Variants in ANKHD1 observed in about 807,000 individuals in gnomAD.
ANKHD1 encodes ankyrin repeat and KH domain-containing protein 1.
In ANKHD1, 31 loss-of-function variants were observed where a neutral mutation model predicts 230.5. That is an observed-to-expected ratio of 0.13 (90% CI 0.10 to 0.18). The LOEUF (loss-of-function observed/expected upper bound fraction) is 0.18. Ranked by LOEUF, ANKHD1 falls within the 10% of genes least tolerant of loss-of-function variation. ANKHD1 has a pLI of 1.00. For synonymous variants in ANKHD1, 1,074 were observed against 1,117.6 expected, an observed-to-expected ratio of 0.96 and a Z score of 0.78; for missense variants, 2,256 against 3,071.3, an observed-to-expected ratio of 0.73 and a Z score of 6.27.
chr5:140,535,484 A>C lies in ANKHD1; in HGVS notation c.6973A>C (p.Ser2325Arg). 6.2e-7 allele frequency: 1 copy of C among 1,612,896 alleles called. No homozygotes were observed. Among genetic ancestry groups the C allele is most frequent in the Non-Finnish European group, 8.5e-7 (1 of 1,179,622 alleles). Residue 2325 changes from serine to arginine, a missense_variant, in exon 30 of 34, where the codon AGT (serine) becomes CGT (arginine). Ser to Arg is a moderately radical substitution (Grantham distance 110, BLOSUM62 -1). Around this residue, in one of 13 missense-constraint regions of ANKHD1, gnomAD observed 778 missense variants for 966.5 expected, o/e 0.80. Transcript: ENST00000360839. ...AGGGCCAGCTCCTGTTGGGACTCCTAGTTTCAACAGACAACATTTTTCTCC... is the reference window on the plus strand; with the variant it reads ...AGGGCCAGCTCCTGTTGGGACTCCTCGTTTCAACAGACAACATTTTTCTCC... Reference protein sequence around the residue: ...LQGPAPVGTPSFNRQHFSPHP... With the variant: ...LQGPAPVGTPRFNRQHFSPHP...
At chr5:140,408,703 C>T (rs990983) in intron 1 of ANKHD1, among the ~76,000 whole-genome samples, 150,061 of 152,284 alleles carry the variant, frequency 0.99, 73,937 homozygotes, top group East Asian at 1. Flanking sequence ...TTTTTTTTAC[C>T]GTTATGTGTT....
At chr5:140,493,098 G>C (rs931842659) in intron 14 of ANKHD1, among the ~76,000 whole-genome samples, 9 of 152,282 alleles carry the variant, frequency 5.9e-5, no homozygotes, top group African/African-American at 1.9e-4. Flanking sequence ...TTTTAGTCTT[G>C]TTGCCCAGGC....
At chr5:140,421,016 A>G (rs1771931226) in intron 1 of ANKHD1, among the ~76,000 whole-genome samples, 1 of 152,228 alleles carries the variant, frequency 6.6e-6, no homozygotes, top group Non-Finnish European at 1.5e-5. Context: ...AATTTAAACC[A>G]TGTAATTTAA....
intron 15 of ANKHD1, among the ~76,000 whole-genome samples, chr5:140,498,629 A>T (rs936817227): frequency 6.6e-6 from 1 of 152,204 alleles, no homozygotes; most frequent in Admixed American, 6.5e-5. Flanking sequence ...GTTGTTATAA[A>T]TTGTGAATAA....
chr5:140,412,035 T>A (rs533194174), intron 1 of ANKHD1, among the ~76,000 whole-genome samples: 160 of 152,046 alleles, frequency 1.1e-3, no homozygotes, highest in African/African-American at 3.8e-3. Context: ...ATTTTTAAAT[T>A]AAATTTAATT....
chr5:140,473,875 T>A (rs1015567188), intron 10 of ANKHD1, among the ~76,000 whole-genome samples: 6 of 152,184 alleles, frequency 3.9e-5, no homozygotes, highest in Middle Eastern at 3.2e-3. Flanking sequence ...AGGATTTTTT[T>A]AAAAATGAGT....
chr5:140,510,375 T>G (rs908799437), intron 22 of ANKHD1, among the ~76,000 whole-genome samples, 194 bp downstream of exon 22: 1 of 141,390 alleles, frequency 7.1e-6, no homozygotes, highest in Non-Finnish European at 1.5e-5. Flanking sequence ...TGCAGTGGCA[T>G]GATCGCGGCT....
chr5:140,487,064 A>T lies in ANKHD1; in HGVS notation c.2245+4A>T. 6.2e-7 allele frequency: 1 copy of T among 1,603,634 alleles called. No homozygotes were observed. The highest frequency in any genetic ancestry group is 8.5e-7 in the Non-Finnish European group (1 of 1,176,530). On this transcript the variant is annotated splice_donor_region_variant and intron_variant, in intron 14 of 33. Coordinates refer to ENST00000360839, the MANE Select transcript of ANKHD1 (RefSeq NM_017747.3). ...GCCCTTTTAGGAGTGCAAAAAGGTT[A>T]GTTATTGAATTATTTTTCTTAAAAT...
chr5:140,502,078 G>C (rs769680830), intron 15 of ANKHD1, among the ~76,000 whole-genome samples: 10 of 150,022 alleles, frequency 6.7e-5, no homozygotes, highest in Non-Finnish European at 1.5e-4. Context: ...AGTTTAATTT[G>C]AATTATATAT....
intron 6 of ANKHD1, among the ~76,000 whole-genome samples, chr5:140,448,560 C>A (rs1774463344): frequency 6.6e-6 from 1 of 152,168 alleles, no homozygotes; most frequent in African/African-American, 2.4e-5. Flanking sequence ...TGGGTTTTAT[C>A]ATTCTTTTTA....
chr5:140,485,381 A>C lies in ANKHD1; in HGVS notation c.1998+133A>C. 8.4e-7 allele frequency: 1 copy of C among 1,195,664 alleles called. No homozygotes were observed. 74.1% of individuals were successfully genotyped at this position (1,195,664 alleles called of 1,614,324 possible). Reference sequence around the variant, plus strand: ...AGACTAGTCTAGGCAACATAAGGAGACCCCATCTCTATTAAAACACACACA... The same window carrying C: ...AGACTAGTCTAGGCAACATAAGGAGCCCCCATCTCTATTAAAACACACACA... On this transcript the variant is annotated intron_variant, in intron 12 of 33. Transcript: ENST00000360839. The surrounding 1 kb of genome is among the most constrained non-coding windows in gnomAD (Gnocchi z 4.8).
chr5:140,505,605 CATT>C, intron 17 of ANKHD1, 116 bp from the exon 18 acceptor site: 1 of 1,391,908 alleles, frequency 7.2e-7, no homozygotes, highest in Non-Finnish European at 9.4e-7. Flanking sequence ...TATGTTAACT[CATT>C]ATCAGTGTCT....
intron 1 of ANKHD1, among the ~76,000 whole-genome samples, chr5:140,427,768 G>A (rs1214571021): frequency 6.6e-6 from 1 of 150,958 alleles, no homozygotes; most frequent in South Asian, 2.1e-4. Context: ...CTGGCCGGGC[G>A]GGGGGCTGAT....
intron 3 of ANKHD1, among the ~76,000 whole-genome samples, chr5:140,439,201 G>A (rs765387830): frequency 1.2e-4 from 18 of 152,062 alleles, no homozygotes; most frequent in South Asian, 6.2e-4. Context: ...TTAGGTTTTC[G>A]CCTTCACTGT....
chr5:140,510,225 T>G, intron 22 of ANKHD1, 44 bp downstream of exon 22: 1 of 1,552,744 alleles, frequency 6.4e-7, no homozygotes, highest in Non-Finnish European at 8.8e-7. Context: ...AAGCCAATTC[T>G]AAGTTAAAAC....
intron 24 of ANKHD1, among the ~76,000 whole-genome samples, chr5:140,515,763 C>T (rs1752974087): frequency 6.6e-6 from 1 of 152,160 alleles, no homozygotes; most frequent in African/African-American, 2.4e-5. Context: ...AACTAACAAA[C>T]AGAAAGGACA....
chr5:140,476,995 T>C (rs1008517184), intron 10 of ANKHD1, among the ~76,000 whole-genome samples: 8 of 152,084 alleles, frequency 5.3e-5, no homozygotes, highest in African/African-American at 1.9e-4. Flanking sequence ...AGAACAAATA[T>C]AAAGCTATTA....
chr5:140,443,212 A>T (rs1015959575), intron 5 of ANKHD1, among the ~76,000 whole-genome samples: 3 of 151,862 alleles, frequency 2.0e-5, no homozygotes, highest in African/African-American at 7.3e-5. Flanking sequence ...CTATTTTATT[A>T]ACTTCTTAAC....
intron 1 of ANKHD1, among the ~76,000 whole-genome samples, chr5:140,423,500 G>A (rs74960832): frequency 1.3e-3 from 191 of 152,248 alleles, no homozygotes; most frequent in African/African-American, 4.5e-3. Context: ...AGATTGTCTT[G>A]TGCTTATTTT....
Sources: gnomAD v4.1 joint callset for allele counts (sites outside exome capture counted in the v4.1 genomes callset) on GRCh38, gnomAD v4.1.1 for gene constraint, gnomAD v4.1.1 regional missense constraint, Gnocchi (gnomAD v3.1) non-coding constraint, MANE v1.5 for transcripts, NCBI Gene and HGNC (gene_info 2026-07-23, HGNC 2026-07-21) for gene names.